The following IPCEF1 variants were observed in gnomAD, a reference collection of about 807,000 sequenced individuals.
The protein encoded by IPCEF1 is interaction protein for cytohesin exchange factors 1.
In IPCEF1, 31 loss-of-function variants were observed where a neutral mutation model predicts 50.9. The ratio of observed to expected loss-of-function variants is 0.61; its 90% CI spans 0.46 to 0.82. The LOEUF is 0.82. Among genes scored for constraint, IPCEF1 ranks in the 40% least tolerant of loss-of-function variants. The pLI is 0.00. For synonymous variants in IPCEF1, 181 were observed against 192.0 expected (o/e 0.94, Z 0.47); for missense variants, 458 against 514.0 (o/e 0.89, Z 1.05).
At position 154,159,624 on chromosome 6, in the gene IPCEF1, C is replaced by T; in HGVS notation, c.*204G>A. On this transcript the variant is annotated 3_prime_UTR_variant, in exon 12 of 12. Transcript: ENST00000367220. Reference sequence around the variant, plus strand: ...GCCTTTCAACTGAACTCAATCATTCCAATCTCAATGGATGCGTTACGACTG... The same window carrying T: ...GCCTTTCAACTGAACTCAATCATTCTAATCTCAATGGATGCGTTACGACTG... 1 of 574,002 alleles carries T rather than the reference C, an allele frequency of 1.7e-6. No homozygotes were observed. The allele number at this position is 574,002 out of a possible 1,614,324, so 35.6% of individuals were successfully genotyped here.
At chr6:154,203,408 GT>G (rs1687193659) in intron 9 of IPCEF1, among the ~76,000 whole-genome samples, 1 of 152,190 alleles carries the variant, frequency 6.6e-6, no homozygotes, top group South Asian at 2.1e-4. Flanking sequence ...CCCTTGAACA[GT>G]AGGGATTCAA....
At chr6:154,176,007 A>C (rs1175290347) in intron 10 of IPCEF1, among the ~76,000 whole-genome samples, 2 of 152,190 alleles carry the variant, frequency 1.3e-5, no homozygotes, top group Non-Finnish European at 2.9e-5. Context: ...GGGATGCAAG[A>C]CTGCTTCAAC....
chr6:154,296,673 C>CA (rs1055186125), intron 1 of IPCEF1, among the ~76,000 whole-genome samples: 5 of 151,796 alleles, frequency 3.3e-5, no homozygotes, highest in Middle Eastern at 6.8e-3. Flanking sequence ...ACTAAAAATA[C>CA]AAAAAATTAG....
intron 5 of IPCEF1, among the ~76,000 whole-genome samples, chr6:154,242,600 G>A (rs1377262792): frequency 1.3e-5 from 2 of 152,176 alleles, no homozygotes; most frequent in Non-Finnish European, 2.9e-5. Context: ...AGTAAGAAAA[G>A]TATAGGCCAA....
chr6:154,204,291 A>T (rs1158273917), intron 9 of IPCEF1, among the ~76,000 whole-genome samples: 1 of 152,156 alleles, frequency 6.6e-6, no homozygotes, highest in African/African-American at 2.4e-5. Flanking sequence ...TAAAATGGCC[A>T]CCCAAACCCT....
At chr6:154,246,093 C>T (rs1429760051) in intron 5 of IPCEF1, among the ~76,000 whole-genome samples, 3 of 151,994 alleles carry the variant, frequency 2.0e-5, no homozygotes, top group African/African-American at 4.8e-5. Context: ...TCCAAACCAA[C>T]CCATTTGATA....
At chr6:154,254,811 T>G (rs762158479) in intron 3 of IPCEF1, among the ~76,000 whole-genome samples, 3 of 152,200 alleles carry the variant, frequency 2.0e-5, no homozygotes, top group Non-Finnish European at 4.4e-5. Context: ...AACATGATTA[T>G]CTGTGCCTTT....
intron 10 of IPCEF1, among the ~76,000 whole-genome samples, chr6:154,178,384 T>C (rs1008039534): frequency 2.6e-5 from 4 of 152,188 alleles, no homozygotes; most frequent in Non-Finnish European, 2.9e-5. Context: ...TAACATGGCA[T>C]ATAATATATT....
At chr6:154,231,224 AGGAGATT>A (rs563088754) in intron 5 of IPCEF1, among the ~76,000 whole-genome samples, 306 of 152,344 alleles carry the variant, frequency 2.0e-3, no homozygotes, top group African/African-American at 7.2e-3. Context: ...TAAAAGTAAA[AGGAGATT>A]GAAGAAAAGT....
rs1206163406 is a variant in IPCEF1 at position 154,221,344 on chromosome 6, G to C, written c.321-16C>G. Reference sequence around the variant, plus strand: ...CTTAAAAGCACTTGAAGGAGGAAAAGCACAAACACATAAAAAATTAGTGTT... The same window carrying C: ...CTTAAAAGCACTTGAAGGAGGAAAACCACAAACACATAAAAAATTAGTGTT... On this transcript the variant is annotated splice_polypyrimidine_tract_variant and intron_variant, in intron 6 of 11. Coordinates refer to ENST00000367220, the MANE Select transcript of IPCEF1 (RefSeq NM_001130700.2). The C allele has an allele frequency of 2.5e-6, 4 of 1,609,334 alleles. No homozygotes were observed. In the South Asian group the frequency reaches 4.4e-5, roughly 18 times the overall value.
Position 154,238,166 on chromosome 6 carries a change from T to C in IPCEF1, c.246+8425A>G, listed in dbSNP as rs531986728. Among the ~76,000 whole-genome samples the C allele has an allele frequency of 3.3e-5, 5 of 152,360 alleles. No homozygotes were observed. The South Asian group carries it at 8.3e-4, about 25-fold the overall frequency. ...AGTGACAACAGCATCATGTATGATA[T>C]TATTTTATTTTTGTAAAACATAGAA... On this transcript the variant is annotated intron_variant, in intron 5 of 11. Transcript: ENST00000367220.
At chr6:154,313,479 T>C (rs1246648550) in intron 1 of IPCEF1, among the ~76,000 whole-genome samples, 1 of 152,204 alleles carries the variant, frequency 6.6e-6, no homozygotes, top group Non-Finnish European at 1.5e-5. Flanking sequence ...CAAAATGTTT[T>C]AAGAGACTAC....
chr6:154,190,255 T>C (rs1473670497), intron 10 of IPCEF1, among the ~76,000 whole-genome samples: 1 of 151,720 alleles, frequency 6.6e-6, no homozygotes, highest in Non-Finnish European at 1.5e-5. Context: ...CATACAAAGA[T>C]TCAAAAGAAA....
intron 5 of IPCEF1, among the ~76,000 whole-genome samples, chr6:154,230,213 A>C (rs1779612340): frequency 1.3e-5 from 2 of 152,216 alleles, no homozygotes; most frequent in Admixed American, 1.3e-4. Flanking sequence ...TGATACATAA[A>C]ATGTACCTTA....
intron 1 of IPCEF1, among the ~76,000 whole-genome samples, chr6:154,336,545 A>G (rs940128710): frequency 1.3e-5 from 2 of 152,190 alleles, no homozygotes; most frequent in African/African-American, 4.8e-5. Flanking sequence ...GGATGAAGAA[A>G]GATTGGTCAA....
At chr6:154,270,418 C>T (rs1249253826) in intron 2 of IPCEF1, among the ~76,000 whole-genome samples, 2 of 152,136 alleles carry the variant, frequency 1.3e-5, no homozygotes, top group African/African-American at 2.4e-5. Flanking sequence ...AATTAGTTCT[C>T]AACTCTGTCA....
At chr6:154,201,722 C>T (rs933805235) in intron 9 of IPCEF1, among the ~76,000 whole-genome samples, 3 of 152,144 alleles carry the variant, frequency 2.0e-5, no homozygotes, top group African/African-American at 7.2e-5. Context: ...TGGCGAAACC[C>T]CGTCTCTACT....
In IPCEF1 at chr6:154,168,020, G is replaced by T; in HGVS notation, c.1004C>A (p.Ser335Ter). ...SLSPLGDRRPSTKKELRKSFV... is the reference protein window; with the variant it reads ...SLSPLGDRRP Reference sequence around the variant, plus strand: ...GGATTTTCTCAACTCCTTTTTAGTCGAAGGTCGTCGGTCCCCAAGAGGAGA... The same window carrying T: ...GGATTTTCTCAACTCCTTTTTAGTCTAAGGTCGTCGGTCCCCAAGAGGAGA... The change falls in exon 11 of 12, where the codon TCG (serine) becomes TAG (stop). Residue 335 changes from serine (S) to a stop codon, truncating the protein, a stop_gained. Transcript: ENST00000367220. LOFTEE classifies it high-confidence loss of function. The surrounding 1 kb of genome is among the most constrained non-coding windows in gnomAD (Gnocchi z 4.1). The T allele has an allele frequency of 6.2e-7, 1 of 1,611,268 alleles. No individual in the cohort carries two copies. Among genetic ancestry groups the T allele is most frequent in the South Asian group, 1.1e-5 (1 of 90,808 alleles).
intron 10 of IPCEF1, among the ~76,000 whole-genome samples, chr6:154,171,056 A>G (rs1037395822): frequency 1.3e-5 from 2 of 152,170 alleles, no homozygotes; most frequent in African/African-American, 2.4e-5. Flanking sequence ...CCACTTTAGA[A>G]AATAGTTTGT....
Sources: allele counts gnomAD v4.1 joint callset (sites outside exome capture counted in the v4.1 genomes callset), GRCh38; gene constraint gnomAD v4.1.1; non-coding constraint Gnocchi (gnomAD v3.1); transcripts MANE v1.5; gene names NCBI Gene and HGNC (gene_info 2026-07-23, HGNC 2026-07-21).